FBXW8: variants seen among roughly 807,000 people sequenced by gnomAD.
FBXW8 encodes F-box and WD repeat domain containing 8, also known as F-box/WD repeat-containing protein 8.
FBXW8 carries 57 observed loss-of-function variants against 65.3 expected under a neutral mutation model. The ratio of observed to expected loss-of-function variants is 0.87; its 90% confidence interval spans 0.71 to 1.09. The LOEUF (loss-of-function observed/expected upper bound fraction) is 1.09. FBXW8 is among the 50% of genes least tolerant of loss of function. FBXW8 has a pLI of 0.00. For missense variants in FBXW8, 777 were observed against 814.8 expected, an observed-to-expected ratio of 0.95 and a Z score of 0.57; for synonymous variants, 308 against 330.2, an observed-to-expected ratio of 0.93 and a Z score of 0.73.
At position 117,030,089 on chromosome 12, in the gene FBXW8, G is replaced by C. The variant is rs756305382; in HGVS notation, c.*1917G>C. On this transcript the variant is annotated 3_prime_UTR_variant, in exon 11 of 11. Coordinates refer to ENST00000652555, the MANE Select transcript of FBXW8 (RefSeq NM_153348.3). ...AGTCCTCTCAGTTGCACACGTGTAC[G>C]TATCAGTGGGAAGTGCTTGCCATTA... 6.6e-6 allele frequency: 1 copy of C among 152,300 alleles called. No individual in the cohort carries two copies. The highest frequency in any genetic ancestry group is 1.5e-5 in the Non-Finnish European group (1 of 68,034). The allele number at this position is 152,300 out of a possible 1,614,324, so 9.4% of individuals were successfully genotyped here. A position where few individuals can be genotyped will look rare whatever the true frequency, so the allele number is the denominator to read the frequency against.
chr12:116,981,463 A>G (rs533922653), intron 5 of FBXW8, among the ~76,000 whole-genome samples: 99 of 152,270 alleles, frequency 6.5e-4, no homozygotes, highest in Non-Finnish European at 1.2e-3. Context: ...TTAAAAGATA[A>G]TTGCCTGCTT....
At position 117,027,981 on chromosome 12, in the gene FBXW8, G is replaced by A. The variant is rs2135731668; in HGVS notation, c.1653-47G>A. The A allele has an allele frequency of 2.5e-6, 4 of 1,609,564 alleles. No homozygotes were observed. In the South Asian group the frequency reaches 4.4e-5, roughly 18 times the overall value. ...ACAGACAGAAGCGGCTGGGGTGAGG[G>A]CCAGCGAGGCAGCCCTGACCTGTCA... On this transcript the variant is annotated intron_variant, in intron 10 of 10. Transcript: ENST00000652555.
At position 117,027,468 on chromosome 12, in the gene FBXW8, G is replaced by A. The variant is rs555248947; in HGVS notation, c.1616G>A (p.Arg539Gln). 1.2e-4 allele frequency: 193 copies of A among 1,614,122 alleles called. 2 individuals are homozygous for A. In the South Asian group the frequency reaches 1.8e-3, roughly 15 times the overall value. Reference protein sequence around the residue: ...TANVPYQTVMRNADLDSFTTH... With the variant: ...TANVPYQTVMQNADLDSFTTH... Reference sequence around the variant, plus strand: ...AACGTGCCTTACCAGACGGTAATGCGAAACGCCGACCTGGACAGCTTCACT... The same window carrying A: ...AACGTGCCTTACCAGACGGTAATGCAAAACGCCGACCTGGACAGCTTCACT... Residue 539 changes from arginine (R) to glutamine (Q), a missense_variant, in exon 10 of 11, where the codon CGA (arginine) becomes CAA (glutamine). Transcript: ENST00000652555.
intron 1 of FBXW8, among the ~76,000 whole-genome samples, chr12:116,923,683 C>G (rs542564478): frequency 6.6e-6 from 1 of 150,390 alleles, no homozygotes; most frequent in South Asian, 2.1e-4. Context: ...GCCACCACAC[C>G]CGGCTAATTT....
At chr12:117,027,094 C>G (rs537045378) in intron 9 of FBXW8, among the ~76,000 whole-genome samples, 1 of 152,168 alleles carries the variant, frequency 6.6e-6, no homozygotes, top group African/African-American at 2.4e-5. Context: ...GTGGCTGATT[C>G]GTCTGCAGTA....
At chr12:117,013,283 T>G (rs961768769) in intron 8 of FBXW8, among the ~76,000 whole-genome samples, 2 of 152,114 alleles carry the variant, frequency 1.3e-5, no homozygotes, top group East Asian at 1.9e-4. Flanking sequence ...CAGAGTCTGA[T>G]GAAGAGCAAG....
rs887301358 is a variant in FBXW8, at chr12:116,911,144, C to G, written c.107C>G (p.Ala36Gly). 13 of 1,351,476 alleles carry G rather than the reference C, an allele frequency of 9.6e-6. No homozygotes were observed. In the African/African-American group the frequency reaches 2.0e-4, roughly 21 times the overall value. 83.7% of individuals were successfully genotyped at this position (1,351,476 alleles called of 1,614,324 possible). Residue 36 changes from alanine (A) to glycine (G), a missense_variant, in exon 1 of 11, where the codon GCT (alanine) becomes GGT (glycine). Coordinates refer to ENST00000652555, the MANE Select transcript of FBXW8 (RefSeq NM_153348.3). ...RRRPEAAERR[A>G]RRPEVGSGRG... ...CGGCCCGAGGCTGCCGAGAGGCGGG[C>G]TCGGCGGCCGGAGGTGGGCTCCGGG...
intron 2 of FBXW8, 86 bp from the exon 3 acceptor site, chr12:116,945,278 A>G (rs1420961570): frequency 1.5e-6 from 2 of 1,363,230 alleles, no homozygotes; most frequent in African/African-American, 1.4e-5. Flanking sequence ...ACCCAGGGCA[A>G]TAATATAGGT....
rs1882178752 is a variant in FBXW8, at chr12:116,936,626, T to C, written c.423+8499T>C. Among the ~76,000 whole-genome samples, 1 of 152,158 alleles carries C rather than the reference T, an allele frequency of 6.6e-6. No individual in the cohort carries two copies. The highest frequency in any genetic ancestry group is 1.5e-5 in the Non-Finnish European group (1 of 68,032). ...GCTGGAAAAGGTAAGAAAACTGTTTTCTTTCTGAAGCCTCCGGAAGGAATG... is the reference window on the plus strand; with the variant it reads ...GCTGGAAAAGGTAAGAAAACTGTTTCCTTTCTGAAGCCTCCGGAAGGAATG... On this transcript the variant is annotated intron_variant, in intron 2 of 10. Coordinates refer to ENST00000652555, the MANE Select transcript of FBXW8 (RefSeq NM_153348.3). This position sits in a 1 kb window ranked among gnomAD's most constrained non-coding sequence, Gnocchi z 4.6.
At position 117,029,164 on chromosome 12, in the gene FBXW8, C is replaced by G. The variant is rs1301027956; in HGVS notation, c.*992C>G. The G allele has an allele frequency of 2.0e-5, 3 of 152,188 alleles. No homozygotes were observed. Among genetic ancestry groups the G allele is most frequent in the African/African-American group, 7.2e-5 (3 of 41,420 alleles). 9.4% of individuals were successfully genotyped at this position (152,188 alleles called of 1,614,324 possible). On this transcript the variant is annotated 3_prime_UTR_variant, in exon 11 of 11. Transcript: ENST00000652555. The stretch of plus-strand genomic sequence containing the variant: ...CACATAGACGATGCACAAAAAACCA[C>G]CCTGTACGAAGGCCACAAAGAACAG...
chr12:116,925,245 G>A (rs4562926), intron 1 of FBXW8, among the ~76,000 whole-genome samples: 104,524 of 151,474 alleles, frequency 0.69, 40,321 homozygotes, highest in Non-Finnish European at 0.85. Context: ...TTAGTGGGGT[G>A]GGAGGGGATG....
Position 116,928,069 on chromosome 12 carries a change from A to T in FBXW8, c.365A>T (p.Glu122Val), listed in dbSNP as rs750553205. 2.6e-5 allele frequency: 42 copies of T among 1,612,418 alleles called. 2 individuals carry two copies. The South Asian group carries it at 4.1e-4, about 16-fold the overall frequency. ...VPFFDIQLPY[E>V]LAINIFQYLD... ...TTCTTTGATATCCAACTGCCTTACG[A>T]ATTGGCAATCAATATATTTCAGTAT... Residue 122 changes from glutamate (E) to valine (V), a missense_variant, in exon 2 of 11, where the codon GAA (glutamate) becomes GTA (valine). Physicochemically the swap from Glu to Val is moderately radical, Grantham distance 121. Coordinates refer to ENST00000652555, the MANE Select transcript of FBXW8 (RefSeq NM_153348.3).
intron 2 of FBXW8, among the ~76,000 whole-genome samples, chr12:116,939,010 C>T (rs1882370405): frequency 6.6e-6 from 1 of 152,138 alleles, no homozygotes; most frequent in Admixed American, 6.5e-5. Flanking sequence ...CCTGAGTGCC[C>T]AGTACATGGT....
chr12:116,971,873 A>G (rs1434879116), intron 5 of FBXW8, among the ~76,000 whole-genome samples: 1 of 152,188 alleles, frequency 6.6e-6, no homozygotes, highest in Non-Finnish European at 1.5e-5. Flanking sequence ...ATTGTTTTTC[A>G]CACCAAGTGG....
intron 1 of FBXW8, among the ~76,000 whole-genome samples, chr12:116,920,247 A>G (rs1465964161): frequency 1.3e-5 from 2 of 152,210 alleles, no homozygotes; most frequent in African/African-American, 2.4e-5. Flanking sequence ...ACCTTTTGAA[A>G]TGATGCCTGT....
intron 5 of FBXW8, among the ~76,000 whole-genome samples, chr12:116,966,637 A>G (rs181182827): frequency 2.3e-4 from 35 of 152,238 alleles, no homozygotes; most frequent in Non-Finnish European, 7.4e-5. Context: ...CTGGTTTTAT[A>G]TTGTGAGAAT....
chr12:116,944,072 A>G lies in FBXW8; in HGVS notation c.424-1292A>G, dbSNP rs186767285. Among the ~76,000 whole-genome samples the G allele has an allele frequency of 5.9e-5, 9 of 152,278 alleles. No individual in the cohort carries two copies. The South Asian group carries it at 1.4e-3, about 25-fold the overall frequency. ...TAGGCTGCCGGTTTTTACAGCTGCT[A>G]TCTTCACGAGGTTGTTGATTTTTAA... On this transcript the variant is annotated intron_variant, in intron 2 of 10. Coordinates refer to ENST00000652555, the MANE Select transcript of FBXW8 (RefSeq NM_153348.3).
At chr12:116,925,208 T>C (rs1007258702) in intron 1 of FBXW8, among the ~76,000 whole-genome samples, 1 of 151,694 alleles carries the variant, frequency 6.6e-6, no homozygotes, top group Admixed American at 6.6e-5. Flanking sequence ...TACCCAGCCA[T>C]GGACTAGTCA....
intron 2 of FBXW8, among the ~76,000 whole-genome samples, chr12:116,939,632 G>A (rs1882416290): frequency 6.6e-6 from 1 of 152,200 alleles, no homozygotes; most frequent in Non-Finnish European, 1.5e-5. Context: ...TTTACAAAAT[G>A]TTATGGTTTC....
Sources: allele counts gnomAD v4.1 joint callset (sites outside exome capture counted in the v4.1 genomes callset), GRCh38; gene constraint gnomAD v4.1.1; non-coding constraint Gnocchi (gnomAD v3.1); transcripts MANE v1.5; gene names NCBI Gene and HGNC (gene_info 2026-07-23, HGNC 2026-07-21).